The following PRKD1 variants were observed in gnomAD, a reference collection of about 807,000 sequenced individuals.
PRKD1 encodes the protein protein kinase D1.
PRKD1 carries 63 observed loss-of-function variants against 95.9 expected under a neutral mutation model. That is an observed-to-expected ratio of 0.66 (90% CI 0.54 to 0.81). PRKD1 has a LOEUF of 0.81. Among genes scored for constraint, PRKD1 ranks in the 30% least tolerant of loss-of-function variants. The probability of loss-of-function intolerance (pLI) is 0.00; values close to 1 mark genes in which losing one functional copy is unlikely to be tolerated. For missense variants in PRKD1, 1,048 were observed against 1,165.3 expected (o/e 0.90, Z 1.47); for synonymous variants, 425 against 423.1 (o/e 1.00, Z -0.05).
chr14:29,903,462 TGCCTGGAGTACA>T (rs1301707707), intron 1 of PRKD1, among the ~76,000 whole-genome samples: 1 of 152,186 alleles, frequency 6.6e-6, no homozygotes, highest in Non-Finnish European at 1.5e-5. Context: ...ATCAGCATAA[TGCCTGGAGTACA>T]GTTCTCTTTG....
chr14:29,870,405 G>T (rs1022818109), intron 1 of PRKD1, among the ~76,000 whole-genome samples: 7 of 152,112 alleles, frequency 4.6e-5, no homozygotes, highest in Non-Finnish European at 1.0e-4. Context: ...AAAAAAGGCA[G>T]AATTATGGCT....
chr14:29,577,231 A>G lies in PRKD1; in HGVS notation c.*7T>C. On this transcript the variant is annotated 3_prime_UTR_variant, in exon 18 of 18. Transcript: ENST00000331968. Reference sequence around the variant, plus strand: ...ACAGTGTTTTGACAGATTATAGGAGATGGAACTCAGAGGATGCTGACACGC... The same window carrying G: ...ACAGTGTTTTGACAGATTATAGGAGGTGGAACTCAGAGGATGCTGACACGC... 6.2e-7 allele frequency: 1 copy of G among 1,606,174 alleles called. No individual in the cohort carries two copies. Among genetic ancestry groups the G allele is most frequent in the Non-Finnish European group, 8.5e-7 (1 of 1,173,600 alleles).
intron 1 of PRKD1, among the ~76,000 whole-genome samples, chr14:29,762,970 G>A (rs1024585966): frequency 2.6e-5 from 4 of 151,668 alleles, no homozygotes; most frequent in East Asian, 3.9e-4. Context: ...TCTTGAACTC[G>A]TGGCCTCAAG....
chr14:29,755,900 T>C (rs1441565540), intron 1 of PRKD1, among the ~76,000 whole-genome samples: 1 of 152,142 alleles, frequency 6.6e-6, no homozygotes, highest in Non-Finnish European at 1.5e-5. Flanking sequence ...CTCTGCCCAA[T>C]CAGCCCAGGC....
chr14:29,610,085 T>C (rs1182262255), intron 13 of PRKD1, among the ~76,000 whole-genome samples: 1 of 20,498 alleles, frequency 4.9e-5, no homozygotes, highest in East Asian at 8.6e-4. Flanking sequence ...TCATCTTTCA[T>C]TTTTTTCTAG....
intron 1 of PRKD1, among the ~76,000 whole-genome samples, chr14:29,866,696 T>A (rs1180751823): frequency 6.6e-6 from 1 of 152,108 alleles, no homozygotes; most frequent in East Asian, 1.9e-4. Context: ...ACAGGATGGA[T>A]GGGATTTAGA....
chr14:29,612,675 TAATA>T lies in PRKD1; in HGVS notation c.1905+11473_1905+11476del, dbSNP rs1329951353. 2.7e-4 allele frequency among the ~76,000 whole-genome samples: 41 copies of T among 152,354 alleles called. 1 individual carries two copies. The highest frequency in any genetic ancestry group is 4.9e-4 in the Non-Finnish European group (33 of 68,040). ...TTCTAAATTAATTTTCTTTTTCTTA[TAATA>T]GATAGTTGTTTTCCCTATTTTAGAC... On this transcript the variant is annotated intron_variant, in intron 13 of 17. Coordinates refer to ENST00000331968, the MANE Select transcript of PRKD1 (RefSeq NM_002742.3).
chr14:29,592,618 A>G (rs1012735596), intron 16 of PRKD1: 12 of 152,336 alleles, frequency 7.9e-5, no homozygotes, highest in African/African-American at 2.9e-4. Flanking sequence ...TGGGAAACGG[A>G]AAATGATCAA....
At chr14:29,877,125 C>T (rs576422504) in intron 1 of PRKD1, among the ~76,000 whole-genome samples, 8 of 152,210 alleles carry the variant, frequency 5.3e-5, no homozygotes, top group African/African-American at 1.7e-4. Context: ...GCACTCCAGC[C>T]TGGGCCAGAG....
Position 29,577,588 on chromosome 14 carries a change from C to T in PRKD1, c.2521-132G>A, listed in dbSNP as rs532247030. On this transcript the variant is annotated intron_variant, in intron 17 of 17. Coordinates refer to ENST00000331968, the MANE Select transcript of PRKD1 (RefSeq NM_002742.3). ...TCTAACAGCGCTGAATCTTTCATCA[C>T]GCATCCTCAAGTGACAGTGTCGGCA... The T allele has an allele frequency of 5.3e-4, 453 of 858,886 alleles. 6 individuals carry two copies. The South Asian group carries it at 6.7e-3, about 13-fold the overall frequency. The allele number at this position is 858,886 out of a possible 1,614,324, so 53.2% of individuals were successfully genotyped here.
intron 1 of PRKD1, among the ~76,000 whole-genome samples, chr14:29,829,765 A>C (rs917168203): frequency 1.3e-5 from 2 of 152,214 alleles, no homozygotes; most frequent in East Asian, 3.8e-4. Flanking sequence ...TGTTGTCCCT[A>C]GTCACAATGT....
At chr14:29,752,850 C>A (rs1887541759) in intron 1 of PRKD1, among the ~76,000 whole-genome samples, 1 of 151,854 alleles carries the variant, frequency 6.6e-6, no homozygotes. Context: ...TTTTTCATAA[C>A]CTTTACTTTC....
intron 1 of PRKD1, among the ~76,000 whole-genome samples, chr14:29,826,842 C>CATATAT (rs1192535083): frequency 0.066 from 1,306 of 19,730 alleles, 231 homozygotes; most frequent in Middle Eastern, 0.18. Context: ...TATATATACA[C>CATATAT]ACATATATAT....
intron 1 of PRKD1, among the ~76,000 whole-genome samples, chr14:29,750,616 G>GCGCACACACACACACACACACACA (rs72239992): frequency 1.3e-5 from 2 of 148,374 alleles, no homozygotes; most frequent in African/African-American, 5.0e-5. Context: ...ATGAACGCGC[G>GCGCACACACACACACACACACACA]CACACACACA....
intron 1 of PRKD1, among the ~76,000 whole-genome samples, chr14:29,824,242 C>A (rs1378383170): frequency 2.0e-5 from 3 of 152,166 alleles, no homozygotes; most frequent in Non-Finnish European, 4.4e-5. Flanking sequence ...CTGCCAAAGT[C>A]TACAAGGATC....
intron 1 of PRKD1, among the ~76,000 whole-genome samples, chr14:29,879,941 A>T (rs1195734698): frequency 6.6e-6 from 1 of 152,202 alleles, no homozygotes; most frequent in Non-Finnish European, 1.5e-5. Context: ...CAAAGCATTC[A>T]AAATGTGACT....
intron 17 of PRKD1, among the ~76,000 whole-genome samples, chr14:29,577,937 A>G (rs2138940763): frequency 6.6e-6 from 1 of 152,276 alleles, no homozygotes; most frequent in East Asian, 1.9e-4. Context: ...TACATTTATC[A>G]GGATTACACA....
At chr14:29,625,017 A>C (rs191624861) in intron 12 of PRKD1, among the ~76,000 whole-genome samples, 1 of 152,320 alleles carries the variant, frequency 6.6e-6, no homozygotes, top group East Asian at 1.9e-4. Context: ...CAGAAAATAG[A>C]AATGGAAAAT....
At chr14:29,595,636 AG>A (rs1207152992) in intron 16 of PRKD1, among the ~76,000 whole-genome samples, 1 of 152,214 alleles carries the variant, frequency 6.6e-6, no homozygotes, top group Non-Finnish European at 1.5e-5. Flanking sequence ...TGGCATGAAT[AG>A]GTTTTGTCTT....
Sources: allele counts gnomAD v4.1 joint callset (sites outside exome capture counted in the v4.1 genomes callset), GRCh38; gene constraint gnomAD v4.1.1; transcripts MANE v1.5; gene names NCBI Gene and HGNC (gene_info 2026-07-23, HGNC 2026-07-21).